NEGR1: variants seen among roughly 807,000 people sequenced by gnomAD.
The protein encoded by NEGR1 is neuronal growth regulator 1.
Under a neutral mutation model 40.9 loss-of-function variants are expected in NEGR1, and 10 were observed. The observed-to-expected ratio is 0.24, with a 90% CI of 0.15 to 0.42. NEGR1 has a LOEUF of 0.42. Ranked by LOEUF, NEGR1 falls within the 10% of genes least tolerant of loss-of-function variation. The pLI, the probability that NEGR1 is intolerant of heterozygous loss-of-function variation, is 1.00. For missense variants in NEGR1, 352 were observed against 438.9 expected (o/e 0.80, Z 1.77); for synonymous variants, 185 against 166.8 (o/e 1.11, Z -0.84).
chr1:72,101,991 T>C (rs1046354307), intron 1 of NEGR1, among the ~76,000 whole-genome samples: 14 of 152,096 alleles, frequency 9.2e-5, no homozygotes, highest in Admixed American at 7.2e-4. Flanking sequence ...TGCCCATCTA[T>C]TTTCTCATGA....
chr1:71,690,565 AACACAC>A (rs3980432), intron 4 of NEGR1, among the ~76,000 whole-genome samples: 1,573 of 119,088 alleles, frequency 0.013, 20 homozygotes, highest in African/African-American at 0.025. Flanking sequence ...TAAGTTATAT[AACACAC>A]ACACACACAC....
chr1:71,670,262 T>G (rs746155520), intron 4 of NEGR1, among the ~76,000 whole-genome samples: 4 of 152,190 alleles, frequency 2.6e-5, no homozygotes, highest in African/African-American at 4.8e-5. Context: ...AATGTTATCT[T>G]TCCATGTTCT....
At chr1:71,981,771 G>A (rs1646356320) in intron 1 of NEGR1, among the ~76,000 whole-genome samples, 1 of 152,104 alleles carries the variant, frequency 6.6e-6, no homozygotes, top group African/African-American at 2.4e-5. Flanking sequence ...AGCCTTACCA[G>A]TAACTAGAAG....
intron 1 of NEGR1, among the ~76,000 whole-genome samples, chr1:72,088,558 A>T (rs956698300): frequency 2.0e-5 from 3 of 152,106 alleles, no homozygotes; most frequent in Admixed American, 1.3e-4. Flanking sequence ...GAGAACCCAG[A>T]TCTGCCTTAA....
chr1:71,642,792 G>T (rs891204315), intron 4 of NEGR1, among the ~76,000 whole-genome samples: 4 of 151,690 alleles, frequency 2.6e-5, no homozygotes, highest in African/African-American at 9.7e-5. Context: ...ATTCTATCTT[G>T]GCAATTTATA....
At chr1:71,877,066 A>T (rs1660452526) in intron 2 of NEGR1, among the ~76,000 whole-genome samples, 1 of 152,002 alleles carries the variant, frequency 6.6e-6, no homozygotes, top group Non-Finnish European at 1.5e-5. Flanking sequence ...ACAGATTAGG[A>T]GGTAAAATGT....
intron 3 of NEGR1, among the ~76,000 whole-genome samples, chr1:71,708,519 C>G (rs1331274265): frequency 6.6e-6 from 1 of 151,894 alleles, no homozygotes; most frequent in Non-Finnish European, 1.5e-5. Flanking sequence ...TTATATGGAA[C>G]CATACAAGAT....
At chr1:72,211,829 C>T (rs1468145426) in intron 1 of NEGR1, among the ~76,000 whole-genome samples, 1 of 151,678 alleles carries the variant, frequency 6.6e-6, no homozygotes, top group Non-Finnish European at 1.5e-5. Flanking sequence ...CTGTACCTCA[C>T]TCTATAAAAC....
chr1:72,143,913 TA>T (rs1650791722), intron 1 of NEGR1, among the ~76,000 whole-genome samples: 10 of 98,528 alleles, frequency 1.0e-4, no homozygotes, highest in Admixed American at 3.3e-4. Flanking sequence ...ATGATATATA[TA>T]ATATATATAT....
Position 72,254,700 on chromosome 1 carries a change from TAA to T in NEGR1, c.176+27617_176+27618del, listed in dbSNP as rs5775112. Among the ~76,000 whole-genome samples, 127 of 106,562 alleles carry T rather than the reference TAA, an allele frequency of 1.2e-3. 1 individual carries two copies. Among genetic ancestry groups the T allele is most frequent in the Admixed American group, 3.0e-3 (28 of 9,380 alleles). 69.9% of individuals were successfully genotyped at this position (106,562 alleles called of 152,430 possible). A position where few individuals can be genotyped will look rare whatever the true frequency, so the allele number is the denominator to read the frequency against. The stretch of plus-strand genomic sequence containing the variant: ...CTGGGCAACACAGCGAGACTCTGTC[TAA>T]AAAAAAAAAAAAAAAAAGCATTTTA... On this transcript the variant is annotated intron_variant, in intron 1 of 6. Transcript: ENST00000357731.
intron 1 of NEGR1, among the ~76,000 whole-genome samples, chr1:71,958,282 C>G (rs1646134835): frequency 6.6e-6 from 1 of 152,132 alleles, no homozygotes; most frequent in South Asian, 2.1e-4. Context: ...CAATTTCTAA[C>G]CCCTTTCTCC....
intron 1 of NEGR1, among the ~76,000 whole-genome samples, chr1:72,259,524 T>C (rs1421939250): frequency 6.6e-6 from 1 of 152,132 alleles, no homozygotes; most frequent in Non-Finnish European, 1.5e-5. Flanking sequence ...ATTATGATAG[T>C]GGTTTTTAGT....
intron 1 of NEGR1, among the ~76,000 whole-genome samples, chr1:72,007,809 T>G (rs1303496497): frequency 4.6e-5 from 7 of 152,188 alleles, no homozygotes; most frequent in Non-Finnish European, 1.0e-4. Flanking sequence ...ATTTCAGTTC[T>G]TTATTCATTA....
intron 1 of NEGR1, among the ~76,000 whole-genome samples, chr1:72,091,498 G>A (rs1322249855): frequency 1.3e-5 from 2 of 148,606 alleles, no homozygotes; most frequent in East Asian, 4.0e-4. Context: ...GAGACTATGA[G>A]CTTGACGTCT....
chr1:71,695,093 T>G (rs1448837134), intron 4 of NEGR1, among the ~76,000 whole-genome samples: 2 of 151,910 alleles, frequency 1.3e-5, no homozygotes, highest in Middle Eastern at 3.4e-3. Context: ...TAGCTCTCAA[T>G]TTTTGACTTT....
At chr1:72,129,110 T>G (rs1650142827) in intron 1 of NEGR1, among the ~76,000 whole-genome samples, 1 of 152,194 alleles carries the variant, frequency 6.6e-6, no homozygotes, top group South Asian at 2.1e-4. Context: ...TGTCAGATTG[T>G]GGAACTTTTC....
intron 4 of NEGR1, among the ~76,000 whole-genome samples, chr1:71,669,457 C>T (rs1187578337): frequency 6.6e-6 from 1 of 151,566 alleles, no homozygotes; most frequent in African/African-American, 2.4e-5. Flanking sequence ...ATTATTCTTT[C>T]TCAATAACTT....
At chr1:71,623,456 C>A (rs1420006023) in intron 4 of NEGR1, among the ~76,000 whole-genome samples, 1 of 151,894 alleles carries the variant, frequency 6.6e-6, no homozygotes, top group East Asian at 1.9e-4. Flanking sequence ...AGTAACTGTG[C>A]AACCAGTGTG....
chr1:72,020,554 C>T (rs903200461), intron 1 of NEGR1, among the ~76,000 whole-genome samples: 3 of 151,762 alleles, frequency 2.0e-5, no homozygotes, highest in Non-Finnish European at 4.4e-5. Context: ...AGAAAAAAAA[C>T]CTGAAATACA....
Sources: allele counts gnomAD v4.1 joint callset (sites outside exome capture counted in the v4.1 genomes callset), GRCh38; gene constraint gnomAD v4.1.1; transcripts MANE v1.5; gene names NCBI Gene and HGNC (gene_info 2026-07-23, HGNC 2026-07-21).